ACTN1: variants seen among roughly 807,000 people sequenced by gnomAD.
The protein encoded by ACTN1 is actinin alpha 1.
In ACTN1, 30 loss-of-function variants were observed where a neutral mutation model predicts 119.6. That is an observed-to-expected ratio of 0.25 (90% confidence interval 0.19 to 0.34). The LOEUF (loss-of-function observed/expected upper bound fraction) is 0.34, where lower values mean the gene tolerates loss of function less well. ACTN1 is among the 10% of genes least tolerant of loss of function. The pLI is 1.00. For missense variants in ACTN1, 764 were observed against 1,223.4 expected, an observed-to-expected ratio of 0.62 and a Z score of 5.60; for synonymous variants, 429 against 472.6, an observed-to-expected ratio of 0.91 and a Z score of 1.20.
At chr14:68,960,802 GTGGCTCACATTGGTAATCC>G (rs1036343897) in intron 1 of ACTN1, among the ~76,000 whole-genome samples, 3 of 151,916 alleles carry the variant, frequency 2.0e-5, no homozygotes, top group African/African-American at 7.3e-5. Context: ...AGGGGGTGTG[GTGGCTCACATTGGTAATCC>G]TGGCACTTTG....
chr14:68,901,335 C>A (rs2033317972), intron 8 of ACTN1, among the ~76,000 whole-genome samples: 1 of 149,798 alleles, frequency 6.7e-6, no homozygotes, highest in Non-Finnish European at 1.5e-5. Flanking sequence ...GCAACCTCCA[C>A]CTCTCGGGTT....
At chr14:68,938,912 G>C (rs565840739) in intron 1 of ACTN1, among the ~76,000 whole-genome samples, 8 of 152,280 alleles carry the variant, frequency 5.3e-5, no homozygotes, top group East Asian at 1.9e-4. Flanking sequence ...AGATGGGGAG[G>C]GGGGAGTGGA....
At chr14:68,903,009 A>G (rs1242967594) in intron 7 of ACTN1, among the ~76,000 whole-genome samples, 6 of 152,238 alleles carry the variant, frequency 3.9e-5, no homozygotes, top group South Asian at 2.1e-4. Flanking sequence ...GGAATTATCA[A>G]TTTGCTAAAT....
rs373497137 is a variant in ACTN1 at position 68,966,649 on chromosome 14, C to T, written c.105+12303G>A. Reference sequence around the variant, plus strand: ...GTCCCAACAGAAAGGGAGCAGGAGGCAGGTGAAAGCTTTGCTGAGGCCCCA... The same window carrying T: ...GTCCCAACAGAAAGGGAGCAGGAGGTAGGTGAAAGCTTTGCTGAGGCCCCA... On this transcript the variant is annotated intron_variant, in intron 1 of 21. Transcript: ENST00000394419. Among the ~76,000 whole-genome samples, 34 of 152,276 alleles carry T rather than the reference C, an allele frequency of 2.2e-4. 2 individuals are homozygous for T. The South Asian group carries it at 6.8e-3, about 31-fold the overall frequency.
chr14:68,902,639 C>T, intron 7 of ACTN1, 77 bp from the exon 8 acceptor site: 1 of 1,218,040 alleles, frequency 8.2e-7, no homozygotes, highest in Non-Finnish European at 1.2e-6. Flanking sequence ...CAGAAAGAAG[C>T]TCGCAGCACC....
chr14:68,956,204 T>C (rs1173106703), intron 1 of ACTN1, among the ~76,000 whole-genome samples: 1 of 152,134 alleles, frequency 6.6e-6, no homozygotes, highest in Non-Finnish European at 1.5e-5. Flanking sequence ...AGTGGGTTAC[T>C]TCTGTATTCC....
chr14:68,887,766 T>C, intron 11 of ACTN1: 1 of 1,174,782 alleles, frequency 8.5e-7, no homozygotes, highest in South Asian at 1.2e-5. Flanking sequence ...GGACCACTGA[T>C]AAGACATGGT....
chr14:68,887,797 G>C (rs1004162038), intron 11 of ACTN1: 1 of 960,236 alleles, frequency 1.0e-6, no homozygotes, highest in Non-Finnish European at 1.7e-6. Context: ...AATCAGACTC[G>C]GCTTCTTTCT....
chr14:68,899,432 C>A (rs1222413266), intron 8 of ACTN1, among the ~76,000 whole-genome samples: 1 of 148,992 alleles, frequency 6.7e-6, no homozygotes, highest in African/African-American at 2.5e-5. Flanking sequence ...ATTCCCCACA[C>A]CCCCCAGACA....
At position 68,882,969 on chromosome 14, in the gene ACTN1, C is replaced by T; in HGVS notation, c.1722G>A (p.Glu574=). 2 of 1,614,180 alleles carry T rather than the reference C, an allele frequency of 1.2e-6. No homozygotes were observed. The highest frequency in any genetic ancestry group is 1.1e-5 in the South Asian group (1 of 91,078). The part of the protein sequence containing the change: ...ERLAILGIHN[E]VSKIVQTYHV... Reference sequence around the variant, plus strand: ...GGTAGGTCTGGACAATCTTGGACACCTCATTGTGGATGCCCAGGATGGCCA... The same window carrying T: ...GGTAGGTCTGGACAATCTTGGACACTTCATTGTGGATGCCCAGGATGGCCA... The change falls in exon 15 of 22, where the codon GAG becomes GAA. Residue 574 remains glutamate, a synonymous_variant. Coordinates refer to ENST00000394419, the MANE Select transcript of ACTN1 (RefSeq NM_001130004.2). This position sits in a 1 kb window ranked among gnomAD's most constrained non-coding sequence, Gnocchi z 4.5.
intron 1 of ACTN1, among the ~76,000 whole-genome samples, chr14:68,939,273 T>C (rs1274464595): frequency 6.6e-6 from 1 of 152,144 alleles, no homozygotes; most frequent in East Asian, 1.9e-4. Flanking sequence ...GTCAACTGCC[T>C]CAGCCAATCT....
intron 14 of ACTN1, 159 bp from the exon 15 acceptor site, chr14:68,883,214 G>A: frequency 1.4e-6 from 1 of 738,982 alleles, no homozygotes; most frequent in Non-Finnish European, 2.2e-6. Flanking sequence ...TATGGCCACA[G>A]GAAGGTGAAG....
At chr14:68,959,087 G>T (rs2036443577) in intron 1 of ACTN1, among the ~76,000 whole-genome samples, 1 of 152,186 alleles carries the variant, frequency 6.6e-6, no homozygotes, top group Non-Finnish European at 1.5e-5. Context: ...TCTCTTTTCT[G>T]TGAAGACCTC....
At chr14:68,906,070 C>CAG in intron 6 of ACTN1, among the ~76,000 whole-genome samples, 1 of 150,372 alleles carries the variant, frequency 6.7e-6, no homozygotes, top group Non-Finnish European at 1.5e-5. Context: ...AGCCAGAGGC[C>CAG]GGGGGGGCAG....
At chr14:68,920,468 A>T (rs1410359128) in intron 3 of ACTN1, among the ~76,000 whole-genome samples, 5 of 152,244 alleles carry the variant, frequency 3.3e-5, no homozygotes, top group Non-Finnish European at 7.3e-5. Context: ...CCTTCTTTTA[A>T]TCATTAAGGA....
chr14:68,929,627 G>A (rs549753842), intron 1 of ACTN1, among the ~76,000 whole-genome samples: 4 of 150,222 alleles, frequency 2.7e-5, no homozygotes, highest in East Asian at 3.9e-4. Context: ...CAGGGATGCC[G>A]AGAGGTCCCA....
intron 6 of ACTN1, among the ~76,000 whole-genome samples, chr14:68,905,807 C>T (rs756587920): frequency 3.3e-5 from 5 of 152,154 alleles, no homozygotes; most frequent in African/African-American, 4.8e-5. Flanking sequence ...GCGTGACCAA[C>T]GTGGTGACAC....
At chr14:68,934,420 C>T (rs2035387097) in intron 1 of ACTN1, among the ~76,000 whole-genome samples, 1 of 152,222 alleles carries the variant, frequency 6.6e-6, no homozygotes, top group Non-Finnish European at 1.5e-5. Flanking sequence ...TGTGAATTTT[C>T]AAAAGGTGTA....
chr14:68,891,963 C>T (rs2032523024), intron 10 of ACTN1, 90 bp downstream of exon 10: 16 of 1,489,826 alleles, frequency 1.1e-5, no homozygotes, highest in South Asian at 3.8e-5. Flanking sequence ...CCATCCGCAC[C>T]CCCATAAAGC....
Sources: gnomAD v4.1 joint callset for allele counts (sites outside exome capture counted in the v4.1 genomes callset) on GRCh38, gnomAD v4.1.1 for gene constraint, Gnocchi (gnomAD v3.1) non-coding constraint, MANE v1.5 for transcripts, NCBI Gene and HGNC (gene_info 2026-07-23, HGNC 2026-07-21) for gene names.